Variants in ANKRD52 observed in about 807,000 individuals in gnomAD.
The protein encoded by ANKRD52 is serine/threonine-protein phosphatase 6 regulatory ankyrin repeat subunit C.
In ANKRD52, 7 loss-of-function variants were observed where a neutral mutation model predicts 116.0. That is an observed-to-expected ratio of 0.06 (90% CI 0.03 to 0.11). The LOEUF is 0.11. ANKRD52 is among the 10% of genes least tolerant of loss of function. The probability of loss-of-function intolerance (pLI) is 1.00; values close to 1 mark genes in which losing one functional copy is unlikely to be tolerated. For synonymous variants in ANKRD52, 528 were observed against 578.1 expected (o/e 0.91, Z 1.24); for missense variants, 839 against 1,408.6 (o/e 0.60, Z 6.47).
Position 56,252,147 on chromosome 12 carries a change from C to T in ANKRD52, c.1511+28G>A, listed in dbSNP as rs376807450. 2.7e-5 allele frequency: 43 copies of T among 1,613,768 alleles called. No homozygotes were observed. Among genetic ancestry groups the T allele is most frequent in the Non-Finnish European group, 3.5e-5 (41 of 1,179,846 alleles). Reference sequence around the variant, plus strand: ...GCCAGGCTCAGGGAGGTGAATGGGGCTGAGAAGGACCAGACTGGTAGCCTC... The same window carrying T: ...GCCAGGCTCAGGGAGGTGAATGGGGTTGAGAAGGACCAGACTGGTAGCCTC... On this transcript the variant is annotated intron_variant, in intron 14 of 27. Transcript: ENST00000267116. This position sits in a 1 kb window ranked among gnomAD's most constrained non-coding sequence, Gnocchi z 4.7.
chr12:56,246,659 C>A (rs921536376), intron 20 of ANKRD52, among the ~76,000 whole-genome samples: 1 of 152,012 alleles, frequency 6.6e-6, no homozygotes, highest in Non-Finnish European at 1.5e-5. Flanking sequence ...CAGTGGCTCA[C>A]GCCTGTAATC....
In ANKRD52 at chr12:56,241,745, C is replaced by G. The variant is rs1040621020; in HGVS notation, c.*1397G>C. On this transcript the variant is annotated 3_prime_UTR_variant, in exon 28 of 28. Coordinates refer to ENST00000267116, the MANE Select transcript of ANKRD52 (RefSeq NM_173595.4). Reference sequence around the variant, plus strand: ...GGGTCCAACTGTCCAGGAGGCTGCACTAGGAGATGGGTGGACAGAGCACTT... The same window carrying G: ...GGGTCCAACTGTCCAGGAGGCTGCAGTAGGAGATGGGTGGACAGAGCACTT... The G allele has an allele frequency of 2.7e-6, 1 of 367,154 alleles. No individual in the cohort carries two copies. Among genetic ancestry groups the G allele is most frequent in the East Asian group, 3.9e-5 (1 of 25,572 alleles). 22.7% of individuals were successfully genotyped at this position (367,154 alleles called of 1,614,324 possible).
intron 18 of ANKRD52, 47 bp downstream of exon 18, chr12:56,247,976 G>C (rs769268403): frequency 6.5e-7 from 1 of 1,530,362 alleles, no homozygotes; most frequent in East Asian, 2.4e-5. Context: ...ATCCAGGAGG[G>C]ATCTGGCATG....
At position 56,238,612 on chromosome 12, in the gene ANKRD52, G is replaced by A. The variant is rs1337215967; in HGVS notation, c.*4530C>T. Reference sequence around the variant, plus strand: ...GCACATCTGCAAGACACACAGCAGCGAGAGTAGGCACCCTCCCTTCCCAGG... The same window carrying A: ...GCACATCTGCAAGACACACAGCAGCAAGAGTAGGCACCCTCCCTTCCCAGG... On this transcript the variant is annotated 3_prime_UTR_variant, in exon 28 of 28. Transcript: ENST00000267116. The A allele has an allele frequency of 8.0e-6, 1 of 125,058 alleles. No individual in the cohort carries two copies. The highest frequency in any genetic ancestry group is 2.7e-4 in the East Asian group (1 of 3,638). 7.7% of individuals were successfully genotyped at this position (125,058 alleles called of 1,614,324 possible).
intron 4 of ANKRD52, 93 bp downstream of exon 4, chr12:56,256,922 G>A (rs187901290): frequency 7.4e-7 from 1 of 1,359,540 alleles, no homozygotes; most frequent in African/African-American, 1.5e-5. Context: ...AGAACAGCTT[G>A]TAGGGCTGAG....
chr12:56,244,141 A>AG lies in ANKRD52; in HGVS notation c.2806-9dup. 6.2e-7 allele frequency: 1 copy of AG among 1,613,728 alleles called. No homozygotes were observed. The highest frequency in any genetic ancestry group is 8.5e-7 in the Non-Finnish European group (1 of 1,179,736). Reference sequence around the variant, plus strand: ...GGCACATTTCTCATGGCCCTGAGGGAGGGGAACAGAGAGTGGAGACTTGTG... The same window carrying AG: ...GGCACATTTCTCATGGCCCTGAGGGAGGGGGAACAGAGAGTGGAGACTTGTG... On this transcript the variant is annotated splice_polypyrimidine_tract_variant and intron_variant, in intron 25 of 27. Transcript: ENST00000267116. This position sits in a 1 kb window ranked among gnomAD's most constrained non-coding sequence, Gnocchi z 4.9.
rs151249716 is a variant in ANKRD52, at chr12:56,252,703, T to G, written c.1301+77A>C. On this transcript the variant is annotated intron_variant, in intron 12 of 27. Transcript: ENST00000267116. This position sits in a 1 kb window ranked among gnomAD's most constrained non-coding sequence, Gnocchi z 4.7. Reference sequence around the variant, plus strand: ...TTCATTGTGAGAGGGGGAATAGATCTGGGCAGGCAAGAATGAGGGGCCCAG... The same window carrying G: ...TTCATTGTGAGAGGGGGAATAGATCGGGGCAGGCAAGAATGAGGGGCCCAG... 2.8e-5 allele frequency: 43 copies of G among 1,551,850 alleles called. No homozygotes were observed. The highest frequency in any genetic ancestry group is 3.7e-5 in the Non-Finnish European group (42 of 1,127,210).
Position 56,258,337 on chromosome 12 carries a change from G to C in ANKRD52, c.-68C>G. ...CGGCGGCGGCTCCACCGGGGACACG[G>C]AGCGGCCCAGGCGGCGGCTGCGGTG... On this transcript the variant is annotated 5_prime_UTR_variant, in exon 1 of 28. Coordinates refer to ENST00000267116, the MANE Select transcript of ANKRD52 (RefSeq NM_173595.4). The C allele has an allele frequency of 6.8e-7, 1 of 1,464,948 alleles. No individual in the cohort carries two copies. Among genetic ancestry groups the C allele is most frequent in the Non-Finnish European group, 9.0e-7 (1 of 1,107,138 alleles). The allele number at this position is 1,464,948 out of a possible 1,614,324, so 90.7% of individuals were successfully genotyped here. A position where few individuals can be genotyped will look rare whatever the true frequency, so the allele number is the denominator to read the frequency against.
chr12:56,243,739 CT>C lies in ANKRD52; in HGVS notation c.2980+45del. The C allele has an allele frequency of 1.3e-6, 2 of 1,526,370 alleles. No homozygotes were observed. Among genetic ancestry groups the C allele is most frequent in the Non-Finnish European group, 1.8e-6 (2 of 1,125,300 alleles). 94.6% of individuals were successfully genotyped at this position (1,526,370 alleles called of 1,614,324 possible). On this transcript the variant is annotated intron_variant, in intron 27 of 27. Transcript: ENST00000267116. The surrounding 1 kb of genome is among the most constrained non-coding windows in gnomAD (Gnocchi z 4.6). ...AGAAGTCACCTCCTGAAGAATGTCC[CT>C]GACCCCAAACCCAAGAGAGGCATGG...
At chr12:56,245,969 C>CGGATTA (rs1871381004) in intron 20 of ANKRD52, among the ~76,000 whole-genome samples, 1 of 152,006 alleles carries the variant, frequency 6.6e-6, no homozygotes, top group Admixed American at 6.6e-5. Flanking sequence ...CCTGCCTCGG[C>CGGATTA]CTCCCAAAGT....
chr12:56,245,677 TAAG>T (rs1592388111), intron 20 of ANKRD52, 81 bp from the exon 21 acceptor site: 6 of 1,223,778 alleles, frequency 4.9e-6, no homozygotes, highest in African/African-American at 1.5e-5. Context: ...GGCTCAGGAG[TAAG>T]AACCACTTCC....
intron 20 of ANKRD52, among the ~76,000 whole-genome samples, chr12:56,246,695 G>A (rs1871414884): frequency 6.6e-6 from 1 of 152,064 alleles, no homozygotes; most frequent in Admixed American, 6.6e-5. Flanking sequence ...GCCAAGGCGG[G>A]TGGATCTCAT....
Position 56,255,673 on chromosome 12 carries a change from C to T in ANKRD52, c.462+111G>A. 1 of 985,480 alleles carries T rather than the reference C, an allele frequency of 1.0e-6. No individual in the cohort carries two copies. Among genetic ancestry groups the T allele is most frequent in the Non-Finnish European group, 1.5e-6 (1 of 669,506 alleles). 61.0% of individuals were successfully genotyped at this position (985,480 alleles called of 1,614,324 possible). On this transcript the variant is annotated intron_variant, in intron 5 of 27. Transcript: ENST00000267116. The surrounding 1 kb of genome is among the most constrained non-coding windows in gnomAD (Gnocchi z 4.3). ...TGCTTCAGCTTAAGTGTTTATATAA[C>T]CATCCGGGCTGCTTCTCCTTCAGGC...
At position 56,243,290 on chromosome 12, in the gene ANKRD52, C is replaced by T; in HGVS notation, c.3083G>A (p.Ser1028Asn). 1 of 1,614,016 alleles carries T rather than the reference C, an allele frequency of 6.2e-7. No individual in the cohort carries two copies. Among genetic ancestry groups the T allele is most frequent in the Non-Finnish European group, 8.5e-7 (1 of 1,179,892 alleles). The part of the protein sequence containing the change: ...MKPFPPKDAV[S>N]PFSFSLLKNC... ...CTTGAGCAGGCTGAAGCTGAAAGGA[C>T]TGACGGCGTCCTTGGGTGGGAAAGG... Residue 1028 changes from serine (S) to asparagine (N), a missense_variant, in exon 28 of 28, where the codon AGT (serine) becomes AAT (asparagine). Physicochemically the swap from Ser to Asn is conservative, Grantham distance 46 (BLOSUM62 1). Coordinates refer to ENST00000267116, the MANE Select transcript of ANKRD52 (RefSeq NM_173595.4). The surrounding 1 kb of genome is among the most constrained non-coding windows in gnomAD (Gnocchi z 4.6).
intron 21 of ANKRD52, 50 bp downstream of exon 21, chr12:56,245,327 C>A: frequency 6.2e-7 from 1 of 1,602,640 alleles, no homozygotes; most frequent in Non-Finnish European, 8.5e-7. Flanking sequence ...TCCCCCTCTA[C>A]ACACACTCCA....
rs766508649 is a variant in ANKRD52 at position 56,248,619 on chromosome 12, C to A, written c.1705-53G>T. 43 of 1,523,098 alleles carry A rather than the reference C, an allele frequency of 2.8e-5. No individual in the cohort carries two copies. Among genetic ancestry groups the A allele is most frequent in the Middle Eastern group, 1.7e-4 (1 of 5,950 alleles). The allele number at this position is 1,523,098 out of a possible 1,614,324, so 94.3% of individuals were successfully genotyped here. A position where few individuals can be genotyped will look rare whatever the true frequency, so the allele number is the denominator to read the frequency against. ...AGACTCTGGAACTCCCAAGATAGTA[C>A]CCCAGTCCCCGACTCGCAGTAATCC... On this transcript the variant is annotated intron_variant, in intron 16 of 27. Coordinates refer to ENST00000267116, the MANE Select transcript of ANKRD52 (RefSeq NM_173595.4). The surrounding 1 kb of genome is among the most constrained non-coding windows in gnomAD (Gnocchi z 5.1).
At position 56,243,932 on chromosome 12, in the gene ANKRD52, A is replaced by C; in HGVS notation, c.2889-56T>G. 6.3e-7 allele frequency: 1 copy of C among 1,596,498 alleles called. No individual in the cohort carries two copies. Among genetic ancestry groups the C allele is most frequent in the Non-Finnish European group, 8.5e-7 (1 of 1,169,706 alleles). On this transcript the variant is annotated intron_variant, in intron 26 of 27. Transcript: ENST00000267116. This position sits in a 1 kb window ranked among gnomAD's most constrained non-coding sequence, Gnocchi z 4.6. Reference sequence around the variant, plus strand: ...TGCTAAGCTGCCCTTCCACCTCCAGACAGGGTGGCAAGGGTGCTGAACAAA... The same window carrying C: ...TGCTAAGCTGCCCTTCCACCTCCAGCCAGGGTGGCAAGGGTGCTGAACAAA...
chr12:56,256,368 C>T (rs1871953445), intron 4 of ANKRD52, among the ~76,000 whole-genome samples: 1 of 152,220 alleles, frequency 6.6e-6, no homozygotes. Flanking sequence ...GCCCTGAACA[C>T]CCTCTTTAGC....
chr12:56,257,690 T>C lies in ANKRD52; in HGVS notation c.111+138A>G, dbSNP rs1029037075. 4 of 835,808 alleles carry C rather than the reference T, an allele frequency of 4.8e-6. No individual in the cohort carries two copies. In the African/African-American group the frequency reaches 6.8e-5, roughly 14 times the overall value. 51.8% of individuals were successfully genotyped at this position (835,808 alleles called of 1,614,324 possible). Reference sequence around the variant, plus strand: ...CTGCTCTCCATCCCCAAATGCAGAGTAGGCTTTCACTCCAGGATGGAAAGA... The same window carrying C: ...CTGCTCTCCATCCCCAAATGCAGAGCAGGCTTTCACTCCAGGATGGAAAGA... On this transcript the variant is annotated intron_variant, in intron 2 of 27. Transcript: ENST00000267116.
Sources: allele counts gnomAD v4.1 joint callset (sites outside exome capture counted in the v4.1 genomes callset), GRCh38; gene constraint gnomAD v4.1.1; non-coding constraint Gnocchi (gnomAD v3.1); transcripts MANE v1.5; gene names NCBI Gene and HGNC (gene_info 2026-07-23, HGNC 2026-07-21).